Variants in TTC28 observed in about 807,000 individuals in gnomAD.
TTC28 encodes the protein tetratricopeptide repeat protein 28.
A neutral mutation model predicts 198.0 loss-of-function variants in TTC28; 61 were observed. That is an observed-to-expected ratio of 0.31 (90% confidence interval 0.25 to 0.38). The LOEUF is 0.38. Ranked by LOEUF, TTC28 falls within the 10% of genes least tolerant of loss-of-function variation. TTC28 has a pLI of 1.00. For synonymous variants in TTC28, 1,171 were observed against 1,297.8 expected (o/e 0.90, Z 2.10); for missense variants, 2,678 against 3,164.0 (o/e 0.85, Z 3.69).
At chr22:28,656,458 G>C (rs1219846376) in intron 1 of TTC28, among the ~76,000 whole-genome samples, 1 of 152,182 alleles carries the variant, frequency 6.6e-6, no homozygotes, top group Non-Finnish European at 1.5e-5. Context: ...TCGCAACAGG[G>C]AGCAGCTGGC....
intron 6 of TTC28, among the ~76,000 whole-genome samples, chr22:28,114,024 C>G (rs1022815650): frequency 1.3e-5 from 2 of 152,202 alleles, no homozygotes; most frequent in Admixed American, 6.5e-5. Flanking sequence ...GCTGCACCAG[C>G]CTCCATATCC....
intron 2 of TTC28, among the ~76,000 whole-genome samples, chr22:28,360,618 A>C (rs1321789271): frequency 6.6e-6 from 1 of 152,204 alleles, no homozygotes; most frequent in Non-Finnish European, 1.5e-5. Flanking sequence ...ATTTTCTTTT[A>C]TCACCAGTAC....
intron 2 of TTC28, among the ~76,000 whole-genome samples, chr22:28,599,758 A>G (rs181024923): frequency 6.9e-4 from 105 of 152,342 alleles, no homozygotes; most frequent in Non-Finnish European, 8.8e-5. Context: ...ATGAGGTATA[A>G]AGGTCCTATT....
At chr22:28,544,305 G>A (rs2049489434) in intron 2 of TTC28, among the ~76,000 whole-genome samples, 1 of 152,126 alleles carries the variant, frequency 6.6e-6, no homozygotes, top group South Asian at 2.1e-4. Flanking sequence ...ATTTGAAAAT[G>A]AATCAATGAA....
rs183671503 is a variant in TTC28, at chr22:28,327,411, T to C, written c.382-20768A>G. Among the ~76,000 whole-genome samples, 53 of 152,286 alleles carry C rather than the reference T, an allele frequency of 3.5e-4. No homozygotes were observed. In the East Asian group the frequency reaches 4.6e-3, roughly 13 times the overall value. On this transcript the variant is annotated intron_variant, in intron 2 of 22. Coordinates refer to ENST00000397906, the MANE Select transcript of TTC28 (RefSeq NM_001145418.2). ...ATGTGCCTTACAGAGAAAATACTAGTTTGGTAAGCTTTATTCAGGCATGAG... is the reference window on the plus strand; with the variant it reads ...ATGTGCCTTACAGAGAAAATACTAGCTTGGTAAGCTTTATTCAGGCATGAG...
intron 6 of TTC28, among the ~76,000 whole-genome samples, chr22:28,109,359 A>T (rs80333028): frequency 1.9e-3 from 295 of 152,340 alleles, no homozygotes; most frequent in African/African-American, 6.1e-3. Flanking sequence ...AAAATGCTGC[A>T]TGCTCCCGTG....
chr22:28,313,913 G>C (rs2045309677), intron 2 of TTC28, among the ~76,000 whole-genome samples: 2 of 152,144 alleles, frequency 1.3e-5, no homozygotes, highest in Admixed American at 1.3e-4. Flanking sequence ...GAAGAGAGGA[G>C]GTCAAATTGT....
chr22:28,488,014 C>T (rs1033266511), intron 2 of TTC28, among the ~76,000 whole-genome samples: 2 of 152,174 alleles, frequency 1.3e-5, no homozygotes, highest in South Asian at 2.1e-4. Flanking sequence ...GACGCTCCTG[C>T]GCACAGTGCT....
At chr22:28,358,818 T>C (rs1198469119) in intron 2 of TTC28, among the ~76,000 whole-genome samples, 1 of 152,198 alleles carries the variant, frequency 6.6e-6, no homozygotes, top group Non-Finnish European at 1.5e-5. Flanking sequence ...AGGACCACTA[T>C]GATTCCTGAC....
chr22:28,080,703 T>C (rs114662427), intron 12 of TTC28, among the ~76,000 whole-genome samples: 198 of 152,328 alleles, frequency 1.3e-3, no homozygotes, highest in African/African-American at 4.6e-3. Context: ...TAGTCCCTTT[T>C]CTCTCCTTTT....
intron 2 of TTC28, among the ~76,000 whole-genome samples, chr22:28,618,551 G>A (rs111967289): frequency 0.017 from 2,654 of 151,672 alleles, 41 homozygotes; most frequent in South Asian, 0.046. Flanking sequence ...GCGTGGTAGC[G>A]CATGCCTGTA....
At chr22:28,408,638 G>A (rs534067482) in intron 2 of TTC28, among the ~76,000 whole-genome samples, 10 of 152,102 alleles carry the variant, frequency 6.6e-5, no homozygotes, top group Non-Finnish European at 1.5e-4. Flanking sequence ...ATCCACCTGC[G>A]TCGGCCTCCC....
chr22:28,679,765 C>T lies in TTC28; in HGVS notation c.-42G>A, dbSNP rs1333678922. ...CCGCGTCCGCCTCGAGCTAACGGTC[C>T]CGCCAGCTAGGCGCGCGCGCCGGTT... On this transcript the variant is annotated 5_prime_UTR_variant, in exon 1 of 23. Coordinates refer to ENST00000397906, the MANE Select transcript of TTC28 (RefSeq NM_001145418.2). 11 of 1,097,934 alleles carry T rather than the reference C, an allele frequency of 1.0e-5. No homozygotes were observed. In the African/African-American group the frequency reaches 1.7e-4, roughly 17 times the overall value. The allele number at this position is 1,097,934 out of a possible 1,614,324, so 68.0% of individuals were successfully genotyped here. A position where few individuals can be genotyped will look rare whatever the true frequency, so the allele number is the denominator to read the frequency against.
rs1929631207 is a variant in TTC28 at position 28,241,212 on chromosome 22, C to T, written c.933+54986G>A. 3.9e-5 allele frequency among the ~76,000 whole-genome samples: 6 copies of T among 152,256 alleles called. No homozygotes were observed. In the South Asian group the frequency reaches 1.2e-3, roughly 32 times the overall value. The stretch of plus-strand genomic sequence containing the variant: ...GTACTGAGAAGAATAAGTATCACTT[C>T]TGTAGTATTTTTGCCCCCAAAATGG... On this transcript the variant is annotated intron_variant, in intron 5 of 22. Coordinates refer to ENST00000397906, the MANE Select transcript of TTC28 (RefSeq NM_001145418.2).
At chr22:28,430,274 A>C (rs1378880151) in intron 2 of TTC28, among the ~76,000 whole-genome samples, 1 of 152,114 alleles carries the variant, frequency 6.6e-6, no homozygotes, top group African/African-American at 2.4e-5. Context: ...AATTACAAGT[A>C]ATTATCTTGT....
intron 2 of TTC28, among the ~76,000 whole-genome samples, chr22:28,427,366 A>G (rs948893990): frequency 1.3e-5 from 2 of 152,090 alleles, no homozygotes; most frequent in Admixed American, 1.3e-4. Context: ...CTGTAAGAGG[A>G]AAAAAGGCCG....
intron 5 of TTC28, among the ~76,000 whole-genome samples, chr22:28,168,559 C>G (rs1433329983): frequency 6.6e-6 from 1 of 152,036 alleles, no homozygotes; most frequent in Non-Finnish European, 1.5e-5. Context: ...CTGACAAAAA[C>G]AAGAAATGGG....
At chr22:28,524,140 A>G (rs2048963012) in intron 2 of TTC28, among the ~76,000 whole-genome samples, 1 of 152,192 alleles carries the variant, frequency 6.6e-6, no homozygotes, top group African/African-American at 2.4e-5. Context: ...GAATTTTTTA[A>G]AAGTCATTTT....
In TTC28 at chr22:27,978,223, G is replaced by A. The variant is rs948645854; in HGVS notation, c.*3998C>T. 2 of 152,232 alleles carry A rather than the reference G, an allele frequency of 1.3e-5. No homozygotes were observed. The highest frequency in any genetic ancestry group is 4.8e-5 in the African/African-American group (2 of 41,460). The allele number at this position is 152,232 out of a possible 1,614,324, so 9.4% of individuals were successfully genotyped here. ...AACACTGCATATAAGGAACGTGAAT[G>A]CCAGTGGGAAGGTGTCTGAGGAGGG... On this transcript the variant is annotated 3_prime_UTR_variant, in exon 23 of 23. Coordinates refer to ENST00000397906, the MANE Select transcript of TTC28 (RefSeq NM_001145418.2).
Sources: gnomAD v4.1 joint callset for allele counts (sites outside exome capture counted in the v4.1 genomes callset) on GRCh38, gnomAD v4.1.1 for gene constraint, MANE v1.5 for transcripts, NCBI Gene and HGNC (gene_info 2026-07-23, HGNC 2026-07-21) for gene names.